Variants in SHANK2 observed in about 807,000 individuals in gnomAD.
The protein encoded by SHANK2 is SH3 and multiple ankyrin repeat domains 2.
SHANK2 carries 43 observed loss-of-function variants against 133.7 expected under a neutral mutation model. That is an observed-to-expected ratio of 0.32 (90% confidence interval 0.25 to 0.41). The LOEUF (loss-of-function observed/expected upper bound fraction) is 0.41, where lower values mean the gene tolerates loss of function less well. Ranked by LOEUF, SHANK2 falls within the 10% of genes least tolerant of loss-of-function variation. The pLI, the probability that SHANK2 is intolerant of heterozygous loss-of-function variation, is 1.00. For synonymous variants in SHANK2, 1,017 were observed against 952.8 expected, an observed-to-expected ratio of 1.07 and a Z score of -1.24; for missense variants, 1,994 against 2,235.8, an observed-to-expected ratio of 0.89 and a Z score of 2.18.
rs983266100 is a variant in SHANK2, at chr11:70,471,284, A to G, written c.*1585T>C. On this transcript the variant is annotated 3_prime_UTR_variant, in exon 26 of 26. Transcript: ENST00000601538. This position sits in a 1 kb window ranked among gnomAD's most constrained non-coding sequence, Gnocchi z 4.1. The stretch of plus-strand genomic sequence containing the variant: ...AAAAGGAAAAAAAAAAAACAAAACC[A>G]TGTTTTATAATTAGAGATGGGCTGA... 2 of 398,816 alleles carry G rather than the reference A, an allele frequency of 5.0e-6. No homozygotes were observed. Among genetic ancestry groups the G allele is most frequent in the Non-Finnish European group, 8.8e-6 (2 of 226,036 alleles). The allele number at this position is 398,816 out of a possible 1,614,324, so 24.7% of individuals were successfully genotyped here. A position where few individuals can be genotyped will look rare whatever the true frequency, so the allele number is the denominator to read the frequency against.
intron 1 of SHANK2, among the ~76,000 whole-genome samples, chr11:71,227,886 A>G (rs1387210029): frequency 1.3e-5 from 2 of 152,094 alleles, no homozygotes; most frequent in Non-Finnish European, 2.9e-5. Flanking sequence ...CAAAGCAAGC[A>G]GAAGGAAGAA....
chr11:70,752,029 A>G (rs1555037524), intron 14 of SHANK2, among the ~76,000 whole-genome samples: 1 of 152,238 alleles, frequency 6.6e-6, no homozygotes, highest in Non-Finnish European at 1.5e-5. Flanking sequence ...CACATTAATA[A>G]TAACATTAAA....
At chr11:71,063,682 T>C (rs1048817255) in intron 9 of SHANK2, among the ~76,000 whole-genome samples, 1 of 152,196 alleles carries the variant, frequency 6.6e-6, no homozygotes, top group Non-Finnish European at 1.5e-5. Flanking sequence ...TGGATTCCTT[T>C]CAGAGGTGTA....
intron 1 of SHANK2, among the ~76,000 whole-genome samples, chr11:71,247,763 C>T (rs1343280520): frequency 6.6e-6 from 1 of 152,190 alleles, no homozygotes; most frequent in Non-Finnish European, 1.5e-5. Context: ...GAATCTGCAG[C>T]CTCAGATTGG....
rs1953043275 is a variant in SHANK2 at position 71,162,577 on chromosome 11, A to G, written c.-12-15239T>C. ...TAGAACAGTGAAGACAAATCAAGTAACATACGTTGGCATGTGACAGTGAAA... is the reference window on the plus strand; with the variant it reads ...TAGAACAGTGAAGACAAATCAAGTAGCATACGTTGGCATGTGACAGTGAAA... On this transcript the variant is annotated intron_variant, in intron 2 of 25. Transcript: ENST00000601538. 2.0e-5 allele frequency among the ~76,000 whole-genome samples: 3 copies of G among 152,260 alleles called. No individual in the cohort carries two copies. The South Asian group carries it at 6.2e-4, about 31-fold the overall frequency.
intron 2 of SHANK2, among the ~76,000 whole-genome samples, chr11:71,194,729 TC>T (rs1316712062): frequency 6.6e-6 from 1 of 152,164 alleles, no homozygotes; most frequent in African/African-American, 2.4e-5. Flanking sequence ...GCTCCAAACT[TC>T]CTGGCAAAGT....
At chr11:71,177,133 G>A (rs76963297) in intron 2 of SHANK2, among the ~76,000 whole-genome samples, 3,640 of 111,770 alleles carry the variant, frequency 0.033, 125 homozygotes, top group African/African-American at 0.097. Flanking sequence ...TGAAGTAGCC[G>A]AAAGAATTCA....
chr11:70,607,664 C>T (rs372801828), intron 17 of SHANK2, among the ~76,000 whole-genome samples: 8 of 152,224 alleles, frequency 5.3e-5, no homozygotes, highest in African/African-American at 1.9e-4. Flanking sequence ...CCTGGCTTGT[C>T]CAAGGAGAAC....
At chr11:71,168,626 C>G (rs1270418456) in intron 2 of SHANK2, among the ~76,000 whole-genome samples, 1 of 152,202 alleles carries the variant, frequency 6.6e-6, no homozygotes, top group African/African-American at 2.4e-5. Context: ...AGCTGGAGAC[C>G]AGCCCAGCCA....
At chr11:70,544,837 T>C (rs782777965) in intron 17 of SHANK2, among the ~76,000 whole-genome samples, 1 of 152,234 alleles carries the variant, frequency 6.6e-6, no homozygotes, top group African/African-American at 2.4e-5. Context: ...GGGGCTGTCC[T>C]GGGCAAGGCA....
chr11:71,113,257 G>A (rs547094668), intron 5 of SHANK2, 36 bp downstream of exon 5: 43 of 1,532,868 alleles, frequency 2.8e-5, no homozygotes, highest in Non-Finnish European at 3.5e-5. Flanking sequence ...GACGCCGCCT[G>A]CCTAACGTGT....
chr11:70,691,737 C>G (rs1945293731), intron 15 of SHANK2, among the ~76,000 whole-genome samples: 1 of 152,028 alleles, frequency 6.6e-6, no homozygotes, highest in South Asian at 2.1e-4. Context: ...ACTAAAAATA[C>G]AAAATAATTA....
chr11:71,226,041 G>A (rs1954636970), intron 1 of SHANK2, among the ~76,000 whole-genome samples: 1 of 152,100 alleles, frequency 6.6e-6, no homozygotes, highest in South Asian at 2.1e-4. Flanking sequence ...AGAATCACCT[G>A]GACCCAGGAG....
chr11:70,881,101 G>A (rs1208972385), intron 11 of SHANK2, among the ~76,000 whole-genome samples: 3 of 152,184 alleles, frequency 2.0e-5, no homozygotes, highest in Non-Finnish European at 2.9e-5. Context: ...AAAGTGGCCC[G>A]ATCATAGCTC....
intron 17 of SHANK2, among the ~76,000 whole-genome samples, chr11:70,528,900 C>G (rs959863928): frequency 6.6e-6 from 1 of 152,128 alleles, no homozygotes; most frequent in African/African-American, 2.4e-5. Flanking sequence ...GGAGGGGCTC[C>G]CCTGTTTGAA....
intron 11 of SHANK2, among the ~76,000 whole-genome samples, chr11:70,862,393 G>T (rs1426419617): frequency 6.6e-6 from 1 of 152,220 alleles, no homozygotes; most frequent in African/African-American, 2.4e-5. Context: ...TACTACACTG[G>T]TCTGTGTAGT....
chr11:71,112,375 A>G (rs1951903428), intron 5 of SHANK2, among the ~76,000 whole-genome samples: 1 of 152,236 alleles, frequency 6.6e-6, no homozygotes, highest in Non-Finnish European at 1.5e-5. Context: ...CCTGAGCAAC[A>G]CAGCAAAACT....
intron 10 of SHANK2, among the ~76,000 whole-genome samples, chr11:70,938,200 G>T (rs1209319208): frequency 6.6e-6 from 1 of 152,182 alleles, no homozygotes; most frequent in East Asian, 1.9e-4. Context: ...GGAACCCAGA[G>T]AGGGTTTTCA....
rs181351024 is a variant in SHANK2 at position 70,853,927 on chromosome 11, C to A, written c.1175-33245G>T. On this transcript the variant is annotated intron_variant, in intron 11 of 25. Coordinates refer to ENST00000601538, the MANE Select transcript of SHANK2 (RefSeq NM_012309.5). ...CCCCTCCTTCTTCTTATAAAGACATCAGCCATTGGTCATACTAATACAGCA... is the reference window on the plus strand; with the variant it reads ...CCCCTCCTTCTTCTTATAAAGACATAAGCCATTGGTCATACTAATACAGCA... Among the ~76,000 whole-genome samples the A allele has an allele frequency of 2.1e-4, 32 of 152,286 alleles. 1 individual carries two copies. The highest frequency in any genetic ancestry group is 7.5e-4 in the African/African-American group (31 of 41,558).
Sources: gnomAD v4.1 joint callset for allele counts (sites outside exome capture counted in the v4.1 genomes callset) on GRCh38, gnomAD v4.1.1 for gene constraint, Gnocchi (gnomAD v3.1) non-coding constraint, MANE v1.5 for transcripts, NCBI Gene and HGNC (gene_info 2026-07-23, HGNC 2026-07-21) for gene names.